The following KCND3 variants were observed in gnomAD, a reference collection of about 807,000 sequenced individuals.
KCND3 encodes the protein potassium voltage-gated channel subfamily D member 3.
KCND3 carries 9 observed loss-of-function variants against 51.1 expected under a neutral mutation model. The observed-to-expected ratio is 0.18, with a 90% CI of 0.11 to 0.31. The LOEUF (loss-of-function observed/expected upper bound fraction) is 0.31. Among genes scored for constraint, KCND3 ranks in the 10% least tolerant of loss-of-function variants. The pLI is 1.00. For synonymous variants in KCND3, 349 were observed against 368.0 expected (o/e 0.95, Z 0.59); for missense variants, 526 against 903.8 (o/e 0.58, Z 5.36).
At chr1:111,952,837 G>C (rs886788028) in intron 2 of KCND3, among the ~76,000 whole-genome samples, 1 of 152,098 alleles carries the variant, frequency 6.6e-6, no homozygotes, top group African/African-American at 2.4e-5. Flanking sequence ...AAGAGACAAG[G>C]GGATGGAGGA....
At chr1:111,797,742 TA>T (rs758842653) in intron 2 of KCND3, among the ~76,000 whole-genome samples, 21 of 151,720 alleles carry the variant, frequency 1.4e-4, no homozygotes, top group Non-Finnish European at 1.3e-4. Context: ...CTGGCTGGAG[TA>T]AAGGGTAGGT....
intron 2 of KCND3, among the ~76,000 whole-genome samples, chr1:111,842,508 G>C (rs1329058539): frequency 6.6e-6 from 1 of 152,198 alleles, no homozygotes; most frequent in Non-Finnish European, 1.5e-5. Context: ...TGCAGTGGGG[G>C]CTGGGAGGGC....
At chr1:111,829,226 C>T (rs1302753393) in intron 2 of KCND3, among the ~76,000 whole-genome samples, 1 of 152,080 alleles carries the variant, frequency 6.6e-6, no homozygotes, top group Non-Finnish European at 1.5e-5. Flanking sequence ...ATGGGGCGAC[C>T]TAAAATGAAA....
rs555146612 is a variant in KCND3, at chr1:111,865,502, G to A, written c.1107-78396C>T. Among the ~76,000 whole-genome samples the A allele has an allele frequency of 3.1e-4, 47 of 152,300 alleles. 1 individual carries two copies. Among genetic ancestry groups the A allele is most frequent in the African/African-American group, 8.9e-4 (37 of 41,554 alleles). ...GACATGTCCCACCAGAATATGGCCC[G>A]TATGTGCTAACAGGGGTCAGGGTCC... On this transcript the variant is annotated intron_variant, in intron 2 of 7. Transcript: ENST00000302127.
chr1:111,828,573 C>T (rs1235407292), intron 2 of KCND3, among the ~76,000 whole-genome samples: 1 of 152,128 alleles, frequency 6.6e-6, no homozygotes, highest in African/African-American at 2.4e-5. Context: ...CTCAAGAAGG[C>T]TCAGTAATCC....
intron 2 of KCND3, among the ~76,000 whole-genome samples, chr1:111,902,071 C>A (rs1444428850): frequency 1.3e-5 from 2 of 152,154 alleles, no homozygotes; most frequent in Non-Finnish European, 2.9e-5. Flanking sequence ...TCCCAGAGCC[C>A]CCTCCGGCCT....
intron 5 of KCND3, among the ~76,000 whole-genome samples, chr1:111,778,968 C>A (rs138711257): frequency 1.2e-4 from 18 of 152,294 alleles, no homozygotes; most frequent in African/African-American, 4.1e-4. Context: ...CACATTCCAC[C>A]CAGCACATGC....
At chr1:111,861,741 G>A (rs1331656019) in intron 2 of KCND3, among the ~76,000 whole-genome samples, 3 of 152,208 alleles carry the variant, frequency 2.0e-5, no homozygotes, top group Non-Finnish European at 4.4e-5. Context: ...CAGGGCCAGG[G>A]CAGACACCAG....
At chr1:111,949,768 C>T (rs1487451853) in intron 2 of KCND3, among the ~76,000 whole-genome samples, 2 of 151,984 alleles carry the variant, frequency 1.3e-5, no homozygotes, top group Admixed American at 6.6e-5. Context: ...CATGTGATTC[C>T]TTCCAAGAAG....
At chr1:111,875,727 T>C (rs1336248678) in intron 2 of KCND3, among the ~76,000 whole-genome samples, 1 of 152,212 alleles carries the variant, frequency 6.6e-6, no homozygotes, top group Non-Finnish European at 1.5e-5. Flanking sequence ...GCTCCAATAA[T>C]TTTGTCTTCA....
chr1:111,937,920 T>C (rs1275459369), intron 2 of KCND3, among the ~76,000 whole-genome samples: 1 of 152,174 alleles, frequency 6.6e-6, no homozygotes, highest in African/African-American at 2.4e-5. Flanking sequence ...AGTTACCACA[T>C]TGATCATGCC....
chr1:111,819,212 G>A (rs1048365875), intron 2 of KCND3, among the ~76,000 whole-genome samples: 1 of 152,030 alleles, frequency 6.6e-6, no homozygotes, highest in Non-Finnish European at 1.5e-5. Context: ...GGGGGAAGAG[G>A]CCTCTCCCCA....
chr1:111,805,344 A>G (rs1173594280), intron 2 of KCND3, among the ~76,000 whole-genome samples: 4 of 152,110 alleles, frequency 2.6e-5, no homozygotes, highest in African/African-American at 7.2e-5. Context: ...CCAGAGATCC[A>G]CCGCCACAAC....
chr1:111,983,013 C>G (rs191262688), intron 1 of KCND3, among the ~76,000 whole-genome samples: 1 of 152,198 alleles, frequency 6.6e-6, no homozygotes, highest in East Asian at 1.9e-4. Flanking sequence ...AGGGTGGGAT[C>G]GCCAGATGTT....
intron 2 of KCND3, among the ~76,000 whole-genome samples, chr1:111,954,589 A>G (rs546531735): frequency 6.6e-6 from 1 of 152,320 alleles, no homozygotes; most frequent in East Asian, 1.9e-4. Context: ...TGCTTGTTCC[A>G]TTCTCCCAAC....
chr1:111,879,848 G>A (rs967024864), intron 2 of KCND3, among the ~76,000 whole-genome samples: 2 of 152,202 alleles, frequency 1.3e-5, no homozygotes, highest in African/African-American at 2.4e-5. Context: ...GGACAGGCTG[G>A]TGCGGTAGTG....
intron 1 of KCND3, among the ~76,000 whole-genome samples, chr1:111,987,855 G>T (rs569395813): frequency 1.3e-5 from 2 of 152,152 alleles, no homozygotes; most frequent in Non-Finnish European, 1.5e-5. Context: ...GATAGGGGGT[G>T]GGGGGAGGCT....
chr1:111,813,187 C>A (rs1032475020), intron 2 of KCND3, among the ~76,000 whole-genome samples: 27 of 152,072 alleles, frequency 1.8e-4, no homozygotes, highest in African/African-American at 6.5e-4. Flanking sequence ...GTCACAGGGG[C>A]CCCCAGATCA....
At chr1:111,959,854 G>A (rs1673541994) in intron 2 of KCND3, among the ~76,000 whole-genome samples, 1 of 152,080 alleles carries the variant, frequency 6.6e-6, no homozygotes, top group Non-Finnish European at 1.5e-5. Flanking sequence ...ATCTTGAATT[G>A]TAGTTCCCGT....
Sources: gnomAD v4.1 joint callset for allele counts (sites outside exome capture counted in the v4.1 genomes callset) on GRCh38, gnomAD v4.1.1 for gene constraint, MANE v1.5 for transcripts, NCBI Gene and HGNC (gene_info 2026-07-23, HGNC 2026-07-21) for gene names.